Variants in NUP214 observed in about 807,000 individuals in gnomAD.
The protein encoded by NUP214 is nucleoporin 214.
In NUP214, 79 loss-of-function variants were observed where a neutral mutation model predicts 196.2. That is an observed-to-expected ratio of 0.40 (90% CI 0.34 to 0.49). The LOEUF (loss-of-function observed/expected upper bound fraction) is 0.49, where lower values mean the gene tolerates loss of function less well. Among genes scored for constraint, NUP214 ranks in the 20% least tolerant of loss-of-function variants. The pLI, the probability that NUP214 is intolerant of heterozygous loss-of-function variation, is 0.58. For synonymous variants in NUP214, 1,020 were observed against 990.5 expected (o/e 1.03, Z -0.56); for missense variants, 2,468 against 2,539.0 (o/e 0.97, Z 0.60).
intron 25 of NUP214, among the ~76,000 whole-genome samples, chr9:131,188,115 A>C (rs1343135107): frequency 6.6e-6 from 1 of 152,192 alleles, no homozygotes; most frequent in African/African-American, 2.4e-5. Context: ...GCTGGGACCC[A>C]AGGCTTCTGA....
At chr9:131,185,931 T>C (rs962545831) in intron 24 of NUP214, among the ~76,000 whole-genome samples, 4 of 152,244 alleles carry the variant, frequency 2.6e-5, no homozygotes, top group African/African-American at 9.6e-5. Context: ...GAATTCTGGC[T>C]GTAAAAAATT....
In NUP214 at chr9:131,125,842, C is replaced by T. The variant is rs967777318; in HGVS notation, c.45+93C>T. On this transcript the variant is annotated intron_variant, in intron 1 of 35. Transcript: ENST00000359428. This position sits in a 1 kb window ranked among gnomAD's most constrained non-coding sequence, Gnocchi z 4.1. ...GCGAAGCGCGGTGCTGGCTGTCCCGCCTCCTGCTTGAACAGTTTACCGCGT... is the reference window on the plus strand; with the variant it reads ...GCGAAGCGCGGTGCTGGCTGTCCCGTCTCCTGCTTGAACAGTTTACCGCGT... 1.8e-5 allele frequency: 26 copies of T among 1,429,792 alleles called. No homozygotes were observed. The highest frequency in any genetic ancestry group is 2.5e-5 in the Non-Finnish European group (26 of 1,043,648). 88.6% of individuals were successfully genotyped at this position (1,429,792 alleles called of 1,614,324 possible).
intron 17 of NUP214, among the ~76,000 whole-genome samples, chr9:131,152,383 A>C (rs186522734): frequency 6.6e-6 from 1 of 152,310 alleles, no homozygotes; most frequent in South Asian, 2.1e-4. Context: ...GGCCTCCCAA[A>C]GTGCTGGAAT....
intron 30 of NUP214, among the ~76,000 whole-genome samples, chr9:131,202,056 T>A (rs1400399680): frequency 6.6e-6 from 1 of 152,052 alleles, no homozygotes; most frequent in African/African-American, 2.4e-5. Context: ...CATAAACTCC[T>A]GGGCTCAAGC....
chr9:131,150,281 A>G lies in NUP214; in HGVS notation c.2041-43A>G, dbSNP rs1244785071. ...TAGGCTCTGATATAATTGCTTGTAG[A>G]AGCTATGACTTGCAGTTTTTAAACC... On this transcript the variant is annotated intron_variant, in intron 14 of 35. Coordinates refer to ENST00000359428, the MANE Select transcript of NUP214 (RefSeq NM_005085.4). 5 of 1,552,650 alleles carry G rather than the reference A, an allele frequency of 3.2e-6. No individual in the cohort carries two copies. The African/African-American group carries it at 6.8e-5, about 21-fold the overall frequency.
At chr9:131,196,163 A>G (rs879321889) in intron 28 of NUP214, among the ~76,000 whole-genome samples, 5 of 151,510 alleles carry the variant, frequency 3.3e-5, no homozygotes, top group Admixed American at 6.6e-5. Flanking sequence ...CTTTTATTTT[A>G]TTTATTTATT....
At chr9:131,180,893 T>C (rs937025375) in intron 24 of NUP214, among the ~76,000 whole-genome samples, 4 of 152,170 alleles carry the variant, frequency 2.6e-5, no homozygotes, top group African/African-American at 9.7e-5. Context: ...CACACAGTAT[T>C]CTTAGGAGCT....
At position 131,175,460 on chromosome 9, in the gene NUP214, T is replaced by G; in HGVS notation, c.3158T>G (p.Val1053Gly). The G allele has an allele frequency of 2.5e-6, 4 of 1,614,136 alleles. No homozygotes were observed. Among genetic ancestry groups the G allele is most frequent in the Non-Finnish European group, 3.4e-6 (4 of 1,179,986 alleles). Residue 1053 changes from valine to glycine, a missense_variant and splice_region_variant, in exon 23 of 36, where the codon GTG becomes GGG. Val to Gly is a moderately radical substitution (Grantham distance 109). Transcript: ENST00000359428. ...GSSPGVMGTS[V>G]ATSASKIIPQ... is the part of the protein sequence containing the mutation. Reference sequence around the variant, plus strand: ...CACTTAATTTTTCTTTTCCTCTTAGTGGCTACATCTGCTAGCAAAATTATT... The same window carrying G: ...CACTTAATTTTTCTTTTCCTCTTAGGGGCTACATCTGCTAGCAAAATTATT...
rs1287291692 is a variant in NUP214, at chr9:131,189,123, A to G, written c.3566A>G (p.Lys1189Arg). ...TCCGGTCAGTTATCATCTGGTGACA[A>G]AGCTTCAGGTCAGTTTGCATTTTTG... is the stretch of plus-strand genomic sequence containing the variant. The part of the protein sequence containing the change: ...PASGQLSSGD[K>R]ASGTAKIETA... Residue 1189 changes from lysine (K) to arginine (R), a missense_variant, in exon 26 of 36, where the codon AAA becomes AGA. Lys to Arg is a conservative substitution (Grantham distance 26, BLOSUM62 2). Transcript: ENST00000359428. 2 of 1,613,990 alleles carry G rather than the reference A, an allele frequency of 1.2e-6. No individual in the cohort carries two copies. Among genetic ancestry groups the G allele is most frequent in the Admixed American group, 1.7e-5 (1 of 60,020 alleles).
intron 30 of NUP214, among the ~76,000 whole-genome samples, 172 bp downstream of exon 30, chr9:131,201,889 T>C (rs41297221): frequency 0.047 from 7,160 of 152,300 alleles, 260 homozygotes; most frequent in African/African-American, 0.1. Context: ...TCTCAGCCTC[T>C]GATTAAAGAG....
rs1180685660 is a variant in NUP214, at chr9:131,150,876, G to GT, written c.2277+118dup. 1.4e-5 allele frequency: 15 copies of GT among 1,082,676 alleles called. No individual in the cohort carries two copies. The South Asian group carries it at 1.8e-4, about 13-fold the overall frequency. The allele number at this position is 1,082,676 out of a possible 1,614,324, so 67.1% of individuals were successfully genotyped here. On this transcript the variant is annotated intron_variant, in intron 16 of 35. Coordinates refer to ENST00000359428, the MANE Select transcript of NUP214 (RefSeq NM_005085.4). ...TTCTTCAAGGACCACCAGTGTTGTT[G>GT]TTTTTTTAACGTGGCTGAGTAGCTT...
chr9:131,233,469 T>G lies in NUP214; in HGVS notation c.6255T>G (p.Phe2085Leu). The change falls in exon 36 of 36, where the codon TTT becomes TTG. Residue 2085 changes from phenylalanine (F) to leucine (L), a missense_variant. By Grantham distance (22) the Phe-to-Leu change is conservative. Around this residue, in one of 5 missense-constraint regions of NUP214, gnomAD observed 262 missense variants for 296.5 expected, o/e 0.88. Transcript: ENST00000359428. ...TTCCTTGCAGGTCTGTCCAGGGTTT[T>G]GGTGGCTGGCGAAGCTGAGGGCGTG... ...FGSNNSSVQG[F>L]GGWRS 6.2e-7 allele frequency: 1 copy of G among 1,613,632 alleles called. No individual in the cohort carries two copies. Among genetic ancestry groups the G allele is most frequent in the Non-Finnish European group, 8.5e-7 (1 of 1,179,744 alleles).
At chr9:131,170,086 A>G (rs990555572) in intron 21 of NUP214, among the ~76,000 whole-genome samples, 1 of 152,178 alleles carries the variant, frequency 6.6e-6, no homozygotes, top group African/African-American at 2.4e-5. Context: ...GATGGTAGTC[A>G]CGGTTATACA....
chr9:131,133,272 G>T, intron 7 of NUP214, 63 bp downstream of exon 7: 1 of 1,031,280 alleles, frequency 9.7e-7, no homozygotes, highest in Non-Finnish European at 1.4e-6. Context: ...AAAGCTGGAG[G>T]CTTTGATTTC....
chr9:131,184,196 A>G (rs190812892), intron 24 of NUP214, among the ~76,000 whole-genome samples: 76 of 151,350 alleles, frequency 5.0e-4, no homozygotes, highest in African/African-American at 1.8e-3. Context: ...ACAGCCGGCT[A>G]ATTTTTGTAT....
At position 131,128,789 on chromosome 9, in the gene NUP214, G is replaced by GT. The variant is rs149574627; in HGVS notation, c.393+309dup. 85 of 307,590 alleles carry GT rather than the reference G, an allele frequency of 2.8e-4. 1 individual carries two copies. In the East Asian group the frequency reaches 5.6e-3, roughly 20 times the overall value. 19.1% of individuals were successfully genotyped at this position (307,590 alleles called of 1,614,324 possible). On this transcript the variant is annotated intron_variant, in intron 3 of 35. Transcript: ENST00000359428. ...TTTGGATGTTCTTCCATTCCAAGCAGTTTAAGAATGATAATAATAGTGAGT... is the reference window on the plus strand; with the variant it reads ...TTTGGATGTTCTTCCATTCCAAGCAGTTTTAAGAATGATAATAATAGTGAGT...
Position 131,196,033 on chromosome 9 carries a change from CCCCCCCG to C in NUP214, c.3721+741_3721+747del, listed in dbSNP as rs1288544994. ...GAGTGAAACTCTGTGTGTCCCCCCC[CCCCCCCG>C]CGCCAAAAAATCCATCAATAGCATG... is the stretch of plus-strand genomic sequence containing the variant. On this transcript the variant is annotated intron_variant, in intron 28 of 35. Transcript: ENST00000359428. Among the ~76,000 whole-genome samples, 16 of 34,778 alleles carry C rather than the reference CCCCCCCG, an allele frequency of 4.6e-4. 6 individuals are homozygous for C. The highest frequency in any genetic ancestry group is 1.2e-3 in the Non-Finnish European group (9 of 7,620). 22.8% of individuals were successfully genotyped at this position (34,778 alleles called of 152,430 possible).
intron 26 of NUP214, 40 bp from the exon 27 acceptor site, chr9:131,192,168 T>TC (rs138479097): frequency 1.1e-6 from 1 of 928,674 alleles, no homozygotes; most frequent in South Asian, 1.5e-5. Context: ...TTTGTAATAT[T>TC]CTTTTTTTTT....
chr9:131,183,933 C>G (rs920498172), intron 24 of NUP214, among the ~76,000 whole-genome samples: 8 of 151,026 alleles, frequency 5.3e-5, no homozygotes, highest in African/African-American at 1.9e-4. Flanking sequence ...ACCTTTTCAG[C>G]TTAATCATGA....
Sources: allele counts gnomAD v4.1 joint callset (sites outside exome capture counted in the v4.1 genomes callset), GRCh38; gene constraint gnomAD v4.1.1; regional missense constraint gnomAD v4.1.1; non-coding constraint Gnocchi (gnomAD v3.1); transcripts MANE v1.5; gene names NCBI Gene and HGNC (gene_info 2026-07-23, HGNC 2026-07-21).